Variants in HTATIP2 observed in about 807,000 individuals in gnomAD.
HTATIP2 encodes protein HTATIP2.
Under a neutral mutation model 24.7 loss-of-function variants are expected in HTATIP2, and 26 were observed. The observed-to-expected ratio is 1.05, with a 90% CI of 0.77 to 1.46. The LOEUF (loss-of-function observed/expected upper bound fraction) is 1.46, where lower values mean the gene tolerates loss of function less well. HTATIP2 is among the 40% of genes most tolerant of loss of function. HTATIP2 has a pLI of 0.00. For synonymous variants in HTATIP2, 99 were observed against 113.2 expected (o/e 0.87, Z 0.79); for missense variants, 284 against 289.6 (o/e 0.98, Z 0.14).
At chr11:20,381,777 G>A (rs1848525230) in intron 3 of HTATIP2, among the ~76,000 whole-genome samples, 2 of 152,156 alleles carry the variant, frequency 1.3e-5, no homozygotes, top group Non-Finnish European at 2.9e-5. Flanking sequence ...TGGGTCTATG[G>A]TTTTCTGACC....
chr11:20,380,528 C>T (rs995377462), intron 3 of HTATIP2, among the ~76,000 whole-genome samples: 1 of 151,916 alleles, frequency 6.6e-6, no homozygotes, highest in Non-Finnish European at 1.5e-5. Context: ...AAAAATTAGC[C>T]GGGCGTGATG....
chr11:20,376,967 A>G (rs956060603), intron 3 of HTATIP2, among the ~76,000 whole-genome samples: 5 of 152,170 alleles, frequency 3.3e-5, no homozygotes, highest in South Asian at 4.1e-4. Context: ...CTTGACTGTC[A>G]GCATGGCAGC....
At chr11:20,367,584 G>A in intron 2 of HTATIP2, 1 of 1,384,064 alleles carries the variant, frequency 7.2e-7, no homozygotes, top group Non-Finnish European at 9.3e-7. Context: ...CATGATGTCT[G>A]AGTAAAACTA....
At position 20,376,601 on chromosome 11, in the gene HTATIP2, C is replaced by T. The variant is rs770482213; in HGVS notation, c.325C>T (p.Arg109Ter). 24 of 1,613,526 alleles carry T rather than the reference C, an allele frequency of 1.5e-5. No individual in the cohort carries two copies. Among genetic ancestry groups the T allele is most frequent in the Middle Eastern group, 1.6e-4 (1 of 6,084 alleles). Residue 109 changes from arginine to a stop codon, truncating the protein, a stop_gained, in exon 3 of 5, where the codon CGA becomes TGA. Coordinates refer to ENST00000451739, the MANE Select transcript of HTATIP2 (RefSeq NM_001098522.2). LOFTEE classifies it high-confidence loss of function. ...TTAGGAGGGATTTGTTCGTGTTGAC[C>T]GAGATTATGTGCTGAAGTCTGCAGA... ...AGAEGFVRVD[R>*]DYVLKSAELA...
intron 3 of HTATIP2, among the ~76,000 whole-genome samples, chr11:20,381,073 T>C (rs151152280): frequency 7.2e-5 from 11 of 152,178 alleles, no homozygotes; most frequent in Admixed American, 2.6e-4. Context: ...TTCAGGGTGA[T>C]GAAATATTTT....
chr11:20,370,858 C>T (rs2064765778), intron 2 of HTATIP2, among the ~76,000 whole-genome samples: 2 of 152,148 alleles, frequency 1.3e-5, no homozygotes, highest in South Asian at 2.1e-4. Flanking sequence ...ACCGTGTTAG[C>T]CAGGATGGTC....
chr11:20,374,677 G>A (rs1848416524), intron 2 of HTATIP2, among the ~76,000 whole-genome samples: 2 of 152,126 alleles, frequency 1.3e-5, no homozygotes, highest in Non-Finnish European at 2.9e-5. Flanking sequence ...CTGTTTCAAG[G>A]CCAGCTGATT....
At chr11:20,372,929 C>G (rs1265174275) in intron 2 of HTATIP2, among the ~76,000 whole-genome samples, 1 of 152,148 alleles carries the variant, frequency 6.6e-6, no homozygotes, top group Non-Finnish European at 1.5e-5. Context: ...AAGCTGTTGA[C>G]CCTTTTGCTT....
intron 2 of HTATIP2, among the ~76,000 whole-genome samples, chr11:20,373,957 A>C (rs1848403983): frequency 6.6e-6 from 1 of 152,242 alleles, no homozygotes; most frequent in African/African-American, 2.4e-5. Flanking sequence ...TTCAGGACTG[A>C]GTGTCAAAGT....
intron 2 of HTATIP2, among the ~76,000 whole-genome samples, chr11:20,373,682 A>G (rs373091200): frequency 1.3e-5 from 2 of 152,256 alleles, no homozygotes; most frequent in African/African-American, 4.8e-5. Context: ...ACCTGTCATT[A>G]AAATCAGAGT....
chr11:20,363,874 G>GC lies in HTATIP2; in HGVS notation c.-363dup. 1 of 1,244,734 alleles carries GC rather than the reference G, an allele frequency of 8.0e-7. No homozygotes were observed. The allele number at this position is 1,244,734 out of a possible 1,614,324, so 77.1% of individuals were successfully genotyped here. Reference sequence around the variant, plus strand: ...CTGCTCTGGCGGCCGCCCTGCTCCTGCTGCGTCGTGAGGACCCGGGGCCGG... The same window carrying GC: ...CTGCTCTGGCGGCCGCCCTGCTCCTGCCTGCGTCGTGAGGACCCGGGGCCGG... On this transcript the variant is annotated 5_prime_UTR_variant, in exon 1 of 5. An upstream open reading frame in the 5' UTR gains an earlier in-frame stop. Transcript: ENST00000451739.
At chr11:20,380,398 C>G (rs558775071) in intron 3 of HTATIP2, among the ~76,000 whole-genome samples, 1 of 152,124 alleles carries the variant, frequency 6.6e-6, no homozygotes, top group South Asian at 2.1e-4. Context: ...ATGGGCTGGG[C>G]GCGGTGGCTC....
At chr11:20,364,628 G>A (rs1326842030) in intron 1 of HTATIP2, among the ~76,000 whole-genome samples, 196 bp downstream of exon 1, 1 of 152,022 alleles carries the variant, frequency 6.6e-6, no homozygotes, top group East Asian at 1.9e-4. Flanking sequence ...CCTCCCTCCC[G>A]CTCATTGTGT....
chr11:20,376,390 T>C, intron 2 of HTATIP2, 190 bp from the exon 3 acceptor site: 1 of 597,564 alleles, frequency 1.7e-6, no homozygotes, highest in Non-Finnish European at 2.9e-6. Flanking sequence ...CTAAAGCTGG[T>C]GTGCCTATCC....
intron 3 of HTATIP2, among the ~76,000 whole-genome samples, chr11:20,381,401 T>G (rs1054801870): frequency 6.6e-6 from 1 of 151,810 alleles, no homozygotes; most frequent in Non-Finnish European, 1.5e-5. Flanking sequence ...GATCATGCCC[T>G]TGCACTTCAG....
chr11:20,373,630 T>G (rs1188768219), intron 2 of HTATIP2, among the ~76,000 whole-genome samples: 1 of 152,224 alleles, frequency 6.6e-6, no homozygotes, highest in Non-Finnish European at 1.5e-5. Context: ...AAAACTGAAT[T>G]TATTTCACTA....
chr11:20,368,768 C>G (rs926220868), intron 2 of HTATIP2, among the ~76,000 whole-genome samples: 4 of 152,200 alleles, frequency 2.6e-5, no homozygotes, highest in Non-Finnish European at 5.9e-5. Context: ...GTCTAAACTG[C>G]TTTTTGTGTT....
chr11:20,377,564 C>A (rs1848464200), intron 3 of HTATIP2, among the ~76,000 whole-genome samples: 1 of 152,210 alleles, frequency 6.6e-6, no homozygotes, highest in Non-Finnish European at 1.5e-5. Context: ...TCCCTTTGCA[C>A]CCCAGGTGCC....
chr11:20,363,921 T>A lies in HTATIP2; in HGVS notation c.-317T>A, dbSNP rs774633563. The A allele has an allele frequency of 6.1e-5, 76 of 1,241,998 alleles. No homozygotes were observed. Among genetic ancestry groups the A allele is most frequent in the Admixed American group, 8.4e-5 (2 of 23,734 alleles). The allele number at this position is 1,241,998 out of a possible 1,614,324, so 76.9% of individuals were successfully genotyped here. On this transcript the variant is annotated 5_prime_UTR_variant, in exon 1 of 5. Coordinates refer to ENST00000451739, the MANE Select transcript of HTATIP2 (RefSeq NM_001098522.2). Reference sequence around the variant, plus strand: ...CCGGGGGCTGGCCCCAGGTAACCCCTCCGCGTATGGGACCGAGCTGGGCCA... The same window carrying A: ...CCGGGGGCTGGCCCCAGGTAACCCCACCGCGTATGGGACCGAGCTGGGCCA...
Sources: allele counts gnomAD v4.1 joint callset (sites outside exome capture counted in the v4.1 genomes callset), GRCh38; gene constraint gnomAD v4.1.1; transcripts MANE v1.5; gene names NCBI Gene and HGNC (gene_info 2026-07-23, HGNC 2026-07-21).